CCNB3: variants seen among roughly 807,000 people sequenced by gnomAD.
CCNB3 encodes the protein cyclin B3.
A neutral mutation model predicts 68.0 loss-of-function variants in CCNB3; 12 were observed. That is an observed-to-expected ratio of 0.18 (90% CI 0.11 to 0.29). CCNB3 has a LOEUF of 0.29. Among genes scored for constraint, CCNB3 ranks in the 10% least tolerant of loss-of-function variants. CCNB3 has a pLI of 1.00. For synonymous variants in CCNB3, 354 were observed against 388.9 expected, an observed-to-expected ratio of 0.91 and a Z score of 1.06; for missense variants, 904 against 993.1, an observed-to-expected ratio of 0.91 and a Z score of 1.21.
At chrX:50,291,092 C>T (rs1936340547) in intron 4 of CCNB3, among the ~76,000 whole-genome samples, 1 of 111,044 alleles carries the variant, frequency 9.0e-6, no homozygotes, top group South Asian at 3.8e-4. Flanking sequence ...ACAGTGAGAT[C>T]CTGGCCTGCC....
At chrX:50,303,225 A>G (rs1349991374) in intron 5 of CCNB3, among the ~76,000 whole-genome samples, 3 of 111,522 alleles carry the variant, frequency 2.7e-5, no homozygotes, top group Non-Finnish European at 5.7e-5. Flanking sequence ...GGCTCACTGC[A>G]AACTCTGCCT....
At chrX:50,228,115 A>G (rs1406386917) in intron 1 of CCNB3, among the ~76,000 whole-genome samples, 5 of 90,712 alleles carry the variant, frequency 5.5e-5, no homozygotes, top group East Asian at 3.2e-4. Flanking sequence ...GAGAATATAT[A>G]AATAATATAT....
At position 50,328,142 on chromosome X, in the gene CCNB3, T is replaced by C. The variant is rs1459370017; in HGVS notation, c.3517-14060T>C. ...TTGATTTTTAACCCAGTGAGACTCA[T>C]TTTGGCCTTCTGGCCTCTAGATCTG... is the stretch of plus-strand genomic sequence containing the variant. On this transcript the variant is annotated intron_variant, in intron 8 of 12. Coordinates refer to ENST00000376042, the MANE Select transcript of CCNB3 (RefSeq NM_033031.3). Among the ~76,000 whole-genome samples the C allele has an allele frequency of 2.7e-5, 3 of 112,435 alleles. No individual in the cohort carries two copies. In the South Asian group the frequency reaches 1.1e-3, roughly 41 times the overall value.
chrX:50,214,508 A>ATATATATATATATATATT (rs1211047337), intron 1 of CCNB3, among the ~76,000 whole-genome samples: 52 of 68,730 alleles, frequency 7.6e-4, no homozygotes, highest in Non-Finnish European at 1.2e-3. Flanking sequence ...ATATATATAT[A>ATATATATATATATATATT]TTTTAGCTGT....
intron 1 of CCNB3, among the ~76,000 whole-genome samples, chrX:50,279,119 A>G (rs1193402145): frequency 1.6e-5 from 1 of 62,336 alleles, no homozygotes; most frequent in Non-Finnish European, 2.6e-5. Context: ...ATAAATATAT[A>G]GAATATATTA....
chrX:50,203,902 G>T (rs1557205100), upstream of CCNB3, among the ~76,000 whole-genome samples: 1 of 111,255 alleles, frequency 9.0e-6, no homozygotes, highest in African/African-American at 3.3e-5. Context: ...GCTTGGCTTG[G>T]CAGTGGCTAT....
intron 1 of CCNB3, among the ~76,000 whole-genome samples, chrX:50,221,271 C>T (rs1329230508): frequency 9.0e-6 from 1 of 111,380 alleles, no homozygotes; most frequent in Non-Finnish European, 1.9e-5. Flanking sequence ...GTGTCTGTCT[C>T]CTTCAGTTCT....
intron 8 of CCNB3, among the ~76,000 whole-genome samples, chrX:50,328,714 T>G (rs1922425090): frequency 8.9e-6 from 1 of 111,906 alleles, no homozygotes; most frequent in Admixed American, 9.4e-5. Flanking sequence ...CTTAACTCAT[T>G]CCAGCATCAA....
At chrX:50,212,289 A>G (rs1424846237) in intron 1 of CCNB3, among the ~76,000 whole-genome samples, 1 of 111,789 alleles carries the variant, frequency 8.9e-6, no homozygotes, top group Non-Finnish European at 1.9e-5. Context: ...ATTGAAAATA[A>G]GTGGTAATGG....
chrX:50,227,412 A>G (rs909103157), intron 1 of CCNB3, among the ~76,000 whole-genome samples: 1 of 84,705 alleles, frequency 1.2e-5, no homozygotes, highest in Admixed American at 1.7e-4. Context: ...ATATATACAG[A>G]GAATATTTAT....
Position 50,351,627 on chromosome X carries a change from A to G in CCNB3, c.4112A>G (p.Lys1371Arg). The G allele has an allele frequency of 2.5e-6, 3 of 1,211,631 alleles. No homozygotes were observed. Among genetic ancestry groups the G allele is most frequent in the South Asian group, 1.8e-5 (1 of 56,949 alleles). ...TGCAGGGTCTTCTTTGAAGTCGCCAAAATCCCTGCCTTGGATATGTTGAAG... is the reference window on the plus strand; with the variant it reads ...TGCAGGGTCTTCTTTGAAGTCGCCAGAATCCCTGCCTTGGATATGTTGAAG... ...YSHPVFFEVAKIPALDMLKLE... is the reference protein window; with the variant it reads ...YSHPVFFEVARIPALDMLKLE... Residue 1371 changes from lysine (K) to arginine (R), a missense_variant, in exon 13 of 13, where the codon AAA becomes AGA. By Grantham distance (26) the Lys-to-Arg change is conservative. Coordinates refer to ENST00000376042, the MANE Select transcript of CCNB3 (RefSeq NM_033031.3).
chrX:50,213,825 G>A (rs1935520924), intron 1 of CCNB3, among the ~76,000 whole-genome samples: 2 of 110,967 alleles, frequency 1.8e-5, no homozygotes, highest in Non-Finnish European at 3.8e-5. Flanking sequence ...TCCTTTTTAT[G>A]TCAGTAGGGT....
upstream of CCNB3, chrX:50,202,753 T>C (rs1557205010): frequency 2.7e-5 from 3 of 111,666 alleles, no homozygotes; most frequent in Non-Finnish European, 5.6e-5. Context: ...CTATGGATGA[T>C]TAGAGCACTC....
intron 1 of CCNB3, among the ~76,000 whole-genome samples, chrX:50,221,932 C>G (rs1336258798): frequency 9.0e-6 from 1 of 111,036 alleles, no homozygotes; most frequent in African/African-American, 3.3e-5. Context: ...TAAGAACTTG[C>G]TTTATGAATC....
intron 9 of CCNB3, among the ~76,000 whole-genome samples, chrX:50,344,776 G>A (rs781923378): frequency 6.3e-5 from 7 of 111,669 alleles, no homozygotes; most frequent in Non-Finnish European, 1.1e-4. Context: ...TTGGGAAGTA[G>A]CAGTATAAAA....
intron 1 of CCNB3, among the ~76,000 whole-genome samples, chrX:50,228,653 A>T (rs1452624787): frequency 3.9e-5 from 3 of 76,226 alleles, no homozygotes; most frequent in Middle Eastern, 0.02. Context: ...TATATATAGA[A>T]TATATAGAAT....
At chrX:50,312,659 T>C (rs782547441) in intron 7 of CCNB3, 27 bp downstream of exon 7, 1 of 1,007,749 alleles carries the variant, frequency 9.9e-7, no homozygotes, top group South Asian at 2.0e-5. Context: ...GGTTGGGCAA[T>C]GATTTCTAGT....
chrX:50,208,504 G>A (rs1602176260), intron 1 of CCNB3, among the ~76,000 whole-genome samples: 2 of 111,963 alleles, frequency 1.8e-5, no homozygotes, highest in South Asian at 7.5e-4. Flanking sequence ...ATGATGTTTT[G>A]TAGTTCTCAG....
At chrX:50,289,779 G>A (rs1456242399) in intron 4 of CCNB3, among the ~76,000 whole-genome samples, 2 of 111,817 alleles carry the variant, frequency 1.8e-5, no homozygotes, top group Non-Finnish European at 1.9e-5. Flanking sequence ...CCTGCATTAT[G>A]TAGTATACTT....
Sources: gnomAD v4.1 joint callset for allele counts (sites outside exome capture counted in the v4.1 genomes callset) on GRCh38, gnomAD v4.1.1 for gene constraint, MANE v1.5 for transcripts, NCBI Gene and HGNC (gene_info 2026-07-23, HGNC 2026-07-21) for gene names.